CTNNBIP1: variants seen among roughly 807,000 people sequenced by gnomAD.
CTNNBIP1 encodes the protein catenin beta interacting protein 1.
Under a neutral mutation model 11.8 loss-of-function variants are expected in CTNNBIP1, and 7 were observed. The ratio of observed to expected loss-of-function variants is 0.60; its 90% CI spans 0.34 to 1.12. The LOEUF (loss-of-function observed/expected upper bound fraction) is 1.12, where lower values mean the gene tolerates loss of function less well. Ranked by LOEUF, CTNNBIP1 falls within the 50% of genes most tolerant of loss-of-function variation. The pLI, the probability that CTNNBIP1 is intolerant of heterozygous loss-of-function variation, is 0.03. For synonymous variants in CTNNBIP1, 58 were observed against 43.9 expected (o/e 1.32, Z -1.26); for missense variants, 101 against 113.4 (o/e 0.89, Z 0.50).
chr1:9,877,401 C>A (rs1638992003), intron 3 of CTNNBIP1, among the ~76,000 whole-genome samples: 1 of 152,192 alleles, frequency 6.6e-6, no homozygotes, highest in African/African-American at 2.4e-5. Flanking sequence ...CCACATTTAT[C>A]TATGTTAGAA....
At position 9,886,964 on chromosome 1, in the gene CTNNBIP1, CG is replaced by C. The variant is rs148487478; in HGVS notation, c.-143-3227del. 3.2e-4 allele frequency among the ~76,000 whole-genome samples: 49 copies of C among 152,294 alleles called. No homozygotes were observed. In the East Asian group the frequency reaches 9.1e-3, roughly 28 times the overall value. On this transcript the variant is annotated intron_variant, in intron 1 of 5. Transcript: ENST00000377263. The stretch of plus-strand genomic sequence containing the variant: ...AGCCTCCTCCATCCACAGCCACGCT[CG>C]GTATTCCCGAACCGCACTCCACCAG...
At chr1:9,907,525 C>G (rs1212432085) in intron 1 of CTNNBIP1, among the ~76,000 whole-genome samples, 1 of 152,180 alleles carries the variant, frequency 6.6e-6, no homozygotes, top group African/African-American at 2.4e-5. Context: ...TCCTACCTAC[C>G]ATGAGAACAG....
intron 3 of CTNNBIP1, among the ~76,000 whole-genome samples, chr1:9,875,684 G>C (rs1638953293): frequency 6.6e-6 from 1 of 152,214 alleles, no homozygotes; most frequent in Non-Finnish European, 1.5e-5. Context: ...AAAAAGCGTG[G>C]TCATGGAGAA....
At chr1:9,902,102 C>A (rs1557767877) in intron 1 of CTNNBIP1, among the ~76,000 whole-genome samples, 1 of 152,130 alleles carries the variant, frequency 6.6e-6, no homozygotes, top group Non-Finnish European at 1.5e-5. Flanking sequence ...CCTGCCCCCA[C>A]TCTAATCTGT....
At chr1:9,856,896 G>T (rs541956843) in intron 5 of CTNNBIP1, among the ~76,000 whole-genome samples, 2 of 151,834 alleles carry the variant, frequency 1.3e-5, no homozygotes, top group African/African-American at 4.8e-5. Flanking sequence ...GGCCGAGATG[G>T]GGGATCACCT....
intron 5 of CTNNBIP1, among the ~76,000 whole-genome samples, chr1:9,865,450 A>T (rs1043462429): frequency 2.6e-5 from 4 of 151,938 alleles, no homozygotes; most frequent in African/African-American, 9.7e-5. Flanking sequence ...AAAATATATA[A>T]AAAATTAGCC....
chr1:9,861,889 A>G (rs1380008108), intron 5 of CTNNBIP1, among the ~76,000 whole-genome samples: 1 of 152,218 alleles, frequency 6.6e-6, no homozygotes, highest in Middle Eastern at 3.2e-3. Flanking sequence ...AACGTGATGA[A>G]TCTATCCCCA....
Position 9,871,735 on chromosome 1 carries a change from C to G in CTNNBIP1, c.96+234G>C, listed in dbSNP as rs913649778. Reference sequence around the variant, plus strand: ...AAGGTCAGGGCCTTGAGACCCTCACCCGCCTGGCCCCAATCCGGCAGTGTC... The same window carrying G: ...AAGGTCAGGGCCTTGAGACCCTCACGCGCCTGGCCCCAATCCGGCAGTGTC... On this transcript the variant is annotated intron_variant, in intron 4 of 5. Transcript: ENST00000377263. This position sits in a 1 kb window ranked among gnomAD's most constrained non-coding sequence, Gnocchi z 5.2. Among the ~76,000 whole-genome samples, 1 of 152,164 alleles carries G rather than the reference C, an allele frequency of 6.6e-6. No individual in the cohort carries two copies. The highest frequency in any genetic ancestry group is 1.5e-5 in the Non-Finnish European group (1 of 68,026).
At chr1:9,897,691 G>A (rs1639439246) in intron 1 of CTNNBIP1, among the ~76,000 whole-genome samples, 1 of 152,084 alleles carries the variant, frequency 6.6e-6, no homozygotes, top group Non-Finnish European at 1.5e-5. Flanking sequence ...GCAGGCGCCT[G>A]TAATCCCAGT....
intron 2 of CTNNBIP1, among the ~76,000 whole-genome samples, chr1:9,878,715 CAGG>C (rs1215471662): frequency 1.3e-5 from 2 of 152,164 alleles, no homozygotes; most frequent in Admixed American, 6.5e-5. Flanking sequence ...GGCGGAGACA[CAGG>C]AGAAGCAGGA....
At position 9,871,914 on chromosome 1, in the gene CTNNBIP1, C is replaced by T; in HGVS notation, c.96+55G>A. ...ACCCTCCAATAGCCCAGCAGGGCCC[C>T]TCCCTGGGAGACCCTCCCTGGGGGC... On this transcript the variant is annotated intron_variant, in intron 4 of 5. Coordinates refer to ENST00000377263, the MANE Select transcript of CTNNBIP1 (RefSeq NM_020248.3). This position sits in a 1 kb window ranked among gnomAD's most constrained non-coding sequence, Gnocchi z 5.2. 1 of 1,504,178 alleles carries T rather than the reference C, an allele frequency of 6.6e-7. No individual in the cohort carries two copies. Among genetic ancestry groups the T allele is most frequent in the South Asian group, 1.1e-5 (1 of 88,746 alleles). The allele number at this position is 1,504,178 out of a possible 1,614,324, so 93.2% of individuals were successfully genotyped here. A position where few individuals can be genotyped will look rare whatever the true frequency, so the allele number is the denominator to read the frequency against.
intron 3 of CTNNBIP1, among the ~76,000 whole-genome samples, chr1:9,875,576 C>T (rs542198769): frequency 6.6e-6 from 1 of 152,350 alleles, no homozygotes; most frequent in East Asian, 1.9e-4. Context: ...GTGTCGTCTG[C>T]GCCTGCATTT....
intron 5 of CTNNBIP1, among the ~76,000 whole-genome samples, chr1:9,864,398 G>T (rs1490431870): frequency 6.6e-6 from 1 of 152,166 alleles, no homozygotes; most frequent in Middle Eastern, 3.2e-3. Context: ...GCGCGATCTC[G>T]GCTCACTGCA....
chr1:9,899,872 G>A (rs1639488360), intron 1 of CTNNBIP1, among the ~76,000 whole-genome samples: 2 of 151,098 alleles, frequency 1.3e-5, no homozygotes, highest in South Asian at 4.2e-4. Flanking sequence ...TCAGGGGTTC[G>A]AGACCAGCCT....
At chr1:9,897,687 G>A (rs111610348) in intron 1 of CTNNBIP1, among the ~76,000 whole-genome samples, 6 of 152,142 alleles carry the variant, frequency 3.9e-5, no homozygotes, top group African/African-American at 9.6e-5. Context: ...GGTGGCAGGC[G>A]CCTGTAATCC....
intron 1 of CTNNBIP1, among the ~76,000 whole-genome samples, chr1:9,890,412 C>T (rs1343787305): frequency 1.5e-4 from 23 of 151,744 alleles, no homozygotes; most frequent in African/African-American, 4.9e-5. Flanking sequence ...AGGCATCTTT[C>T]GGCTTAATTT....
chr1:9,850,807 G>C, intron 5 of CTNNBIP1, 31 bp from the exon 6 acceptor site: 1 of 1,609,260 alleles, frequency 6.2e-7, no homozygotes, highest in Non-Finnish European at 8.5e-7. Context: ...ATCGCTGATG[G>C]GGCTTGCAGC....
chr1:9,887,042 C>G (rs1454984404), intron 1 of CTNNBIP1, among the ~76,000 whole-genome samples: 1 of 152,228 alleles, frequency 6.6e-6, no homozygotes, highest in East Asian at 1.9e-4. Flanking sequence ...TTGCAGGCCA[C>G]AGCCCCATTC....
At chr1:9,890,307 G>C (rs1639275327) in intron 1 of CTNNBIP1, among the ~76,000 whole-genome samples, 1 of 152,170 alleles carries the variant, frequency 6.6e-6, no homozygotes, top group African/African-American at 2.4e-5. Flanking sequence ...GAAGATCCTG[G>C]GCTATGTCTT....
Sources: allele counts gnomAD v4.1 joint callset (sites outside exome capture counted in the v4.1 genomes callset), GRCh38; gene constraint gnomAD v4.1.1; non-coding constraint Gnocchi (gnomAD v3.1); transcripts MANE v1.5; gene names NCBI Gene and HGNC (gene_info 2026-07-23, HGNC 2026-07-21).